Variants in PRKCB observed in about 807,000 individuals in gnomAD.
The protein encoded by PRKCB is protein kinase C beta.
PRKCB carries 13 observed loss-of-function variants against 81.5 expected under a neutral mutation model. The observed-to-expected ratio is 0.16, with a 90% confidence interval of 0.10 to 0.25. The LOEUF is 0.25. Ranked by LOEUF, PRKCB falls within the 10% of genes least tolerant of loss-of-function variation. PRKCB has a pLI of 1.00. For synonymous variants in PRKCB, 335 were observed against 321.4 expected, an observed-to-expected ratio of 1.04 and a Z score of -0.45; for missense variants, 509 against 875.7, an observed-to-expected ratio of 0.58 and a Z score of 5.29.
chr16:23,987,021 A>T (rs1016584747), intron 2 of PRKCB, among the ~76,000 whole-genome samples: 3 of 152,236 alleles, frequency 2.0e-5, no homozygotes, highest in African/African-American at 7.2e-5. Flanking sequence ...AATATCAGTA[A>T]CAATAATTCC....
At chr16:24,031,847 C>T (rs1965554716) in intron 3 of PRKCB, 2 of 276,808 alleles carry the variant, frequency 7.2e-6, no homozygotes, top group Non-Finnish European at 1.4e-5. Flanking sequence ...CAGGCAGGAG[C>T]CTGTAGGTTG....
chr16:24,103,617 G>T (rs1280001410), intron 7 of PRKCB, among the ~76,000 whole-genome samples: 1 of 152,112 alleles, frequency 6.6e-6, no homozygotes, highest in East Asian at 1.9e-4. Context: ...TGGGTATATT[G>T]CATGATGCTG....
At position 23,837,160 on chromosome 16, in the gene PRKCB, G is replaced by A. The variant is rs927671214; in HGVS notation, c.174-215G>A. On this transcript the variant is annotated intron_variant, in intron 1 of 16. Transcript: ENST00000643927. ...ACTATCCCGCCACCTGGTGGTCGCA[G>A]CCTCCTCTCTTCTGCAGGAGTGAAG... is the stretch of plus-strand genomic sequence containing the variant. 21 of 653,960 alleles carry A rather than the reference G, an allele frequency of 3.2e-5. No homozygotes were observed. In the African/African-American group the frequency reaches 3.7e-4, roughly 12 times the overall value. 40.5% of individuals were successfully genotyped at this position (653,960 alleles called of 1,614,324 possible).
At position 24,172,341 on chromosome 16, in the gene PRKCB, G is replaced by A. The variant is rs1385168816; in HGVS notation, c.1311G>A (p.Arg437=). The part of the protein sequence containing the change: ...DLMYHIQQVG[R]FKEPHAVFYA... ...TGTATCACATCCAGCAAGTCGGCCG[G>A]TTCAAGGAGCCCCATGCTGTGTAAG... is the stretch of plus-strand genomic sequence containing the variant. The change falls in exon 11 of 17, where the codon CGG becomes CGA. Residue 437 remains arginine (R), a synonymous_variant. Transcript: ENST00000643927. 4 of 1,613,784 alleles carry A rather than the reference G, an allele frequency of 2.5e-6. No individual in the cohort carries two copies. Among genetic ancestry groups the A allele is most frequent in the Non-Finnish European group, 3.4e-6 (4 of 1,179,940 alleles).
At position 23,950,049 on chromosome 16, in the gene PRKCB, C is replaced by T. The variant is rs143222724; in HGVS notation, c.206-38459C>T. On this transcript the variant is annotated intron_variant, in intron 2 of 16. Coordinates refer to ENST00000643927, the MANE Select transcript of PRKCB (RefSeq NM_002738.7). ...TGCTGCCCATGCTAACCGAAGGAGC[C>T]TCGCCGTGGGGCGGATGTGGCCTCC... Among the ~76,000 whole-genome samples the T allele has an allele frequency of 2.5e-4, 38 of 152,234 alleles. No homozygotes were observed. The East Asian group carries it at 6.9e-3, about 28-fold the overall frequency.
intron 3 of PRKCB, among the ~76,000 whole-genome samples, chr16:23,990,468 A>C (rs965853494): frequency 2.6e-5 from 4 of 151,064 alleles, no homozygotes; most frequent in African/African-American, 9.8e-5. Flanking sequence ...GAAAAAAAAG[A>C]AAAAAAAGAA....
chr16:24,135,438 G>C (rs1472113718), intron 9 of PRKCB, among the ~76,000 whole-genome samples: 1 of 148,896 alleles, frequency 6.7e-6, no homozygotes, highest in African/African-American at 2.5e-5. Context: ...TCAGCCTCCC[G>C]AGTGGCTGGG....
intron 10 of PRKCB, 94 bp downstream of exon 10, chr16:24,154,951 G>A (rs548921325): frequency 2.6e-5 from 36 of 1,375,044 alleles, no homozygotes; most frequent in Admixed American, 9.2e-5. Context: ...AGAGATACCT[G>A]CACCCTTCCC....
chr16:24,047,271 G>A (rs1416018841), intron 5 of PRKCB, among the ~76,000 whole-genome samples: 1 of 152,148 alleles, frequency 6.6e-6, no homozygotes, highest in Admixed American at 6.5e-5. Flanking sequence ...GAACCCGGGA[G>A]GCAGAAGTTG....
intron 7 of PRKCB, among the ~76,000 whole-genome samples, chr16:24,096,664 A>ATATATATATATATATAT (rs1260873156): frequency 1.1e-4 from 9 of 85,344 alleles, no homozygotes; most frequent in Admixed American, 2.4e-4. Flanking sequence ...AAAAAAAAAA[A>ATATATATATATATATAT]AAATATATAT....
chr16:24,194,673 T>C (rs1317838417), intron 16 of PRKCB, among the ~76,000 whole-genome samples: 2 of 151,026 alleles, frequency 1.3e-5, no homozygotes, highest in Non-Finnish European at 2.9e-5. Context: ...GCTGTTATTA[T>C]CATTGATAAT....
At chr16:23,997,450 T>G (rs1211523859) in intron 3 of PRKCB, among the ~76,000 whole-genome samples, 1 of 152,174 alleles carries the variant, frequency 6.6e-6, no homozygotes, top group East Asian at 1.9e-4. Context: ...AGGTGCCCAC[T>G]GAAGGTAAAG....
intron 5 of PRKCB, among the ~76,000 whole-genome samples, chr16:24,062,909 A>C (rs1407170786): frequency 6.6e-6 from 1 of 151,992 alleles, no homozygotes; most frequent in Non-Finnish European, 1.5e-5. Flanking sequence ...TTCAGAGTGC[A>C]TGACATGGGC....
chr16:24,020,970 TTTTCTTTTTCTTTC>T (rs1279872788), intron 3 of PRKCB, among the ~76,000 whole-genome samples: 3,075 of 120,320 alleles, frequency 0.026, 106 homozygotes, highest in East Asian at 0.059. Context: ...TGAGAGAGAC[TTTTCTTTTTCTTTC>T]TTTCTTTCTT....
chr16:24,137,720 A>G (rs198202), intron 9 of PRKCB, among the ~76,000 whole-genome samples: 54,008 of 152,088 alleles, frequency 0.36, 9,666 homozygotes, highest in South Asian at 0.47. Flanking sequence ...TCCTGGTAAA[A>G]TGAATCCCTG....
At chr16:24,116,922 C>T (rs1303980990) in intron 8 of PRKCB, among the ~76,000 whole-genome samples, 1 of 152,186 alleles carries the variant, frequency 6.6e-6, no homozygotes, top group Non-Finnish European at 1.5e-5. Context: ...AGATTTGCTA[C>T]ACAAACAGAG....
In PRKCB at chr16:24,216,281, C is replaced by T. The variant is rs961123634; in HGVS notation, c.*1465C>T. ...ACCAGCTGGGAACGTGAATGGGGCT[C>T]TTGATTTTCTTATCAAAATCACCAC... On this transcript the variant is annotated 3_prime_UTR_variant, in exon 17 of 17. Transcript: ENST00000643927. The T allele has an allele frequency of 6.1e-6, 6 of 985,280 alleles. No homozygotes were observed. The South Asian group carries it at 2.3e-4, about 39-fold the overall frequency. The allele number at this position is 985,280 out of a possible 1,614,324, so 61.0% of individuals were successfully genotyped here. A position where few individuals can be genotyped will look rare whatever the true frequency, so the allele number is the denominator to read the frequency against.
intron 2 of PRKCB, among the ~76,000 whole-genome samples, chr16:23,925,431 G>A (rs927117115): frequency 1.1e-4 from 17 of 151,900 alleles, no homozygotes; most frequent in South Asian, 8.3e-4. Context: ...CCCTCCTCTC[G>A]TTAACCAGGA....
chr16:23,976,776 A>G (rs1191241934), intron 2 of PRKCB, among the ~76,000 whole-genome samples: 1 of 152,146 alleles, frequency 6.6e-6, no homozygotes, highest in Non-Finnish European at 1.5e-5. Flanking sequence ...GCGGGAAGTC[A>G]TGGGGTCAAG....
Sources: gnomAD v4.1 joint callset for allele counts (sites outside exome capture counted in the v4.1 genomes callset) on GRCh38, gnomAD v4.1.1 for gene constraint, MANE v1.5 for transcripts, NCBI Gene and HGNC (gene_info 2026-07-23, HGNC 2026-07-21) for gene names.